The following FBXW7 variants were observed in gnomAD, a reference collection of about 807,000 sequenced individuals.
FBXW7 encodes the protein F-box/WD repeat-containing protein 7.
A neutral mutation model predicts 86.3 loss-of-function variants in FBXW7; 11 were observed. That is an observed-to-expected ratio of 0.13 (90% CI 0.08 to 0.21). The LOEUF (loss-of-function observed/expected upper bound fraction) is 0.21. FBXW7 is among the 10% of genes least tolerant of loss of function. The probability of loss-of-function intolerance (pLI) is 1.00; values close to 1 mark genes in which losing one functional copy is unlikely to be tolerated. For synonymous variants in FBXW7, 313 were observed against 297.9 expected (o/e 1.05, Z -0.52); for missense variants, 488 against 847.4 (o/e 0.58, Z 5.27).
At chr4:152,444,502 T>C (rs952567483) in intron 2 of FBXW7, among the ~76,000 whole-genome samples, 4 of 152,178 alleles carry the variant, frequency 2.6e-5, no homozygotes, top group Non-Finnish European at 4.4e-5. Flanking sequence ...AGTTTATGAA[T>C]ACTTTTAATC....
At chr4:152,431,281 T>G (rs982403963) in intron 2 of FBXW7, among the ~76,000 whole-genome samples, 2 of 152,186 alleles carry the variant, frequency 1.3e-5, no homozygotes, top group African/African-American at 2.4e-5. Context: ...TTATTTGCAT[T>G]TCATGAATCA....
At chr4:152,489,464 TAA>T (rs1560960460) in intron 2 of FBXW7, 1 of 152,764 alleles carries the variant, frequency 6.5e-6, no homozygotes, top group African/African-American at 2.4e-5. Flanking sequence ...ATACTCAGTA[TAA>T]CTATATACCT....
chr4:152,534,216 A>T (rs1290888483), intron 2 of FBXW7, among the ~76,000 whole-genome samples: 2 of 151,010 alleles, frequency 1.3e-5, no homozygotes, highest in Admixed American at 6.6e-5. Context: ...AAAAAAGCAA[A>T]GCCTCAAACC....
At chr4:152,507,161 T>C (rs1747503992) in intron 2 of FBXW7, among the ~76,000 whole-genome samples, 1 of 152,292 alleles carries the variant, frequency 6.6e-6, no homozygotes, top group East Asian at 1.9e-4. Flanking sequence ...TTATAGACAC[T>C]GAAAAGCCTA....
chr4:152,374,252 C>CAA (rs1311321086), intron 4 of FBXW7, among the ~76,000 whole-genome samples: 1 of 151,972 alleles, frequency 6.6e-6, no homozygotes, highest in African/African-American at 2.4e-5. Context: ...TTCTTCTCTT[C>CAA]AAAGTACTGT....
At chr4:152,431,231 G>C (rs1026863699) in intron 2 of FBXW7, among the ~76,000 whole-genome samples, 1 of 152,188 alleles carries the variant, frequency 6.6e-6, no homozygotes, top group Non-Finnish European at 1.5e-5. Context: ...TCTGTCAAAA[G>C]ACAAAATTAC....
At chr4:152,481,393 T>C (rs1451435346) in intron 2 of FBXW7, among the ~76,000 whole-genome samples, 2 of 152,250 alleles carry the variant, frequency 1.3e-5, no homozygotes, top group East Asian at 3.8e-4. Flanking sequence ...CCAAGAGCTC[T>C]GATGGAGATA....
At chr4:152,522,799 A>G (rs780293406) in intron 2 of FBXW7, among the ~76,000 whole-genome samples, 1 of 152,138 alleles carries the variant, frequency 6.6e-6, no homozygotes, top group Non-Finnish European at 1.5e-5. Flanking sequence ...GGTAGATATC[A>G]TTTTCCCCTC....
At chr4:152,505,885 C>T (rs564477595) in intron 2 of FBXW7, among the ~76,000 whole-genome samples, 3 of 151,804 alleles carry the variant, frequency 2.0e-5, no homozygotes, top group South Asian at 2.1e-4. Flanking sequence ...GGATTACAGA[C>T]GTGCACCACC....
intron 4 of FBXW7, among the ~76,000 whole-genome samples, chr4:152,379,027 C>G (rs1337265058): frequency 6.6e-6 from 1 of 151,890 alleles, no homozygotes; most frequent in Non-Finnish European, 1.5e-5. Flanking sequence ...AACAAAAAAC[C>G]ATGCAATTAT....
At chr4:152,436,028 C>T (rs77748123) in intron 2 of FBXW7, among the ~76,000 whole-genome samples, 6,030 of 152,220 alleles carry the variant, frequency 0.04, 154 homozygotes, top group Middle Eastern at 0.061. Flanking sequence ...ATCTTTGTCC[C>T]TCTCCTTAGG....
intron 4 of FBXW7, among the ~76,000 whole-genome samples, chr4:152,350,379 T>TTA (rs576518009): frequency 6.6e-5 from 10 of 151,106 alleles, no homozygotes; most frequent in African/African-American, 9.7e-5. Context: ...CTGATATTCA[T>TTA]TATATATATA....
At chr4:152,428,359 T>C (rs947544284) in intron 2 of FBXW7, among the ~76,000 whole-genome samples, 1 of 152,318 alleles carries the variant, frequency 6.6e-6, no homozygotes, top group South Asian at 2.1e-4. Context: ...CCGGGAGCTT[T>C]TTCCTAGTCT....
intron 4 of FBXW7, among the ~76,000 whole-genome samples, chr4:152,385,869 CATT>C (rs1735482915): frequency 3.9e-5 from 6 of 151,930 alleles, no homozygotes; most frequent in Admixed American, 2.0e-4. Context: ...AAAAAGAAGA[CATT>C]ATCAATGATT....
At chr4:152,467,470 C>T (rs144808988) in intron 2 of FBXW7, among the ~76,000 whole-genome samples, 4 of 152,256 alleles carry the variant, frequency 2.6e-5, no homozygotes, top group African/African-American at 9.6e-5. Flanking sequence ...GGACTAATAA[C>T]ATCTATTAAG....
chr4:152,340,547 G>C (rs936685483), intron 6 of FBXW7, among the ~76,000 whole-genome samples: 1 of 137,294 alleles, frequency 7.3e-6, no homozygotes, highest in African/African-American at 2.7e-5. Flanking sequence ...CTGCACTCCA[G>C]CTTGGGCGAC....
chr4:152,338,106 A>C, intron 6 of FBXW7, 170 bp from the exon 7 acceptor site: 3 of 419,672 alleles, frequency 7.1e-6, no homozygotes, highest in Non-Finnish European at 1.2e-5. Context: ...AAGGCATTTA[A>C]TTTCATCACT....
Position 152,463,335 on chromosome 4 carries a change from C to T in FBXW7, c.-119-50806G>A, listed in dbSNP as rs960266125. ...TCTGTGAAAACTAGGAAACATGTCA[C>T]CAGAAACTTCGTTGTAAGTTTAAAC... On this transcript the variant is annotated intron_variant, in intron 2 of 13. Coordinates refer to ENST00000281708, the MANE Select transcript of FBXW7 (RefSeq NM_001349798.2). Among the ~76,000 whole-genome samples the T allele has an allele frequency of 3.9e-5, 6 of 151,986 alleles. No individual in the cohort carries two copies. In the East Asian group the frequency reaches 1.2e-3, roughly 29 times the overall value.
chr4:152,509,472 C>T lies in FBXW7; in HGVS notation c.-120+25469G>A, dbSNP rs370349760. Among the ~76,000 whole-genome samples the T allele has an allele frequency of 4.6e-5, 7 of 152,106 alleles. No individual in the cohort carries two copies. The East Asian group carries it at 7.7e-4, about 17-fold the overall frequency. ...ATTAATGTATGTATCTGTGAAGAAG[C>T]TAGTCTCGTCTCCTGTTAACCCAGA... is the stretch of plus-strand genomic sequence containing the variant. On this transcript the variant is annotated intron_variant, in intron 2 of 13. Coordinates refer to ENST00000281708, the MANE Select transcript of FBXW7 (RefSeq NM_001349798.2).
Sources: gnomAD v4.1 joint callset for allele counts (sites outside exome capture counted in the v4.1 genomes callset) on GRCh38, gnomAD v4.1.1 for gene constraint, MANE v1.5 for transcripts, NCBI Gene and HGNC (gene_info 2026-07-23, HGNC 2026-07-21) for gene names.